Variants in TM9SF3 observed in about 807,000 individuals in gnomAD.
The protein encoded by TM9SF3 is transmembrane 9 superfamily member 3.
A neutral mutation model predicts 78.6 loss-of-function variants in TM9SF3; 14 were observed. The observed-to-expected ratio is 0.18, with a 90% CI of 0.12 to 0.28. The LOEUF is 0.28. Ranked by LOEUF, TM9SF3 falls within the 10% of genes least tolerant of loss-of-function variation. TM9SF3 has a pLI of 1.00. For missense variants in TM9SF3, 496 were observed against 721.9 expected (o/e 0.69, Z 3.59); for synonymous variants, 231 against 241.7 (o/e 0.96, Z 0.41).
chr10:96,531,512 A>C (rs918313269), intron 10 of TM9SF3, among the ~76,000 whole-genome samples: 5 of 152,196 alleles, frequency 3.3e-5, no homozygotes, highest in African/African-American at 1.2e-4. Context: ...CTATGAAATT[A>C]ACAAACTAAA....
Position 96,519,836 on chromosome 10 carries a change from C to T in TM9SF3, c.*2427G>A, listed in dbSNP as rs1313909638. The T allele has an allele frequency of 1.3e-5, 2 of 151,718 alleles. No homozygotes were observed. Among genetic ancestry groups the T allele is most frequent in the Admixed American group, 1.3e-4 (2 of 15,222 alleles). The allele number at this position is 151,718 out of a possible 1,614,324, so 9.4% of individuals were successfully genotyped here. On this transcript the variant is annotated 3_prime_UTR_variant, in exon 15 of 15. Transcript: ENST00000371142. Reference sequence around the variant, plus strand: ...TTCAACCCCTCTATGCAGCCAAAAACCAATACAAGTCCTTTTCTAAAAGAC... The same window carrying T: ...TTCAACCCCTCTATGCAGCCAAAAATCAATACAAGTCCTTTTCTAAAAGAC...
chr10:96,560,145 C>T (rs773546921), intron 4 of TM9SF3: 52 of 739,600 alleles, frequency 7.0e-5, no homozygotes, highest in Non-Finnish European at 1.0e-4. Context: ...CATTTATCTC[C>T]GTCTGCCTTC....
chr10:96,584,525 C>T (rs12776810), intron 1 of TM9SF3, among the ~76,000 whole-genome samples: 29,529 of 152,092 alleles, frequency 0.19, 3,141 homozygotes, highest in Admixed American at 0.3. Context: ...AATACATATT[C>T]GGCCAGGCGT....
At chr10:96,546,411 A>G (rs1406434295) in intron 8 of TM9SF3, among the ~76,000 whole-genome samples, 1 of 152,252 alleles carries the variant, frequency 6.6e-6, no homozygotes, top group Non-Finnish European at 1.5e-5. Context: ...CAGTCAGACT[A>G]AAAACAAATT....
rs1589464140 is a variant in TM9SF3 at position 96,576,698 on chromosome 10, T to C, written c.234A>G (p.Glu78=). 6.2e-7 allele frequency: 1 copy of C among 1,610,736 alleles called. No homozygotes were observed. The highest frequency in any genetic ancestry group is 1.3e-5 in the African/African-American group (1 of 74,740). Residue 78 remains glutamate (E), a synonymous_variant, in exon 2 of 15, where the codon GAA becomes GAG. Transcript: ENST00000371142. ...CCCCTTGAAGTGCTTCTCCCAGAGT[T>C]TCATGGTAATGACTGATACTTTTTT... is the stretch of plus-strand genomic sequence containing the variant. The part of the protein sequence containing the change: ...GSKKSISHYH[E]TLGEALQGVE...
intron 5 of TM9SF3, 82 bp downstream of exon 5, chr10:96,559,577 G>T: frequency 2.1e-6 from 2 of 970,712 alleles, no homozygotes; most frequent in South Asian, 1.8e-5. Context: ...TCAACACAGT[G>T]CCCTGCAAAT....
chr10:96,552,895 G>A, intron 6 of TM9SF3, 33 bp downstream of exon 6: 1 of 1,485,396 alleles, frequency 6.7e-7, no homozygotes. Context: ...CAGTTAAAAT[G>A]TTTCTACAAA....
At chr10:96,579,620 A>G (rs1177489184) in intron 1 of TM9SF3, among the ~76,000 whole-genome samples, 2 of 152,218 alleles carry the variant, frequency 1.3e-5, no homozygotes, top group East Asian at 1.9e-4. Flanking sequence ...AATAAAATTT[A>G]TATCATTTTG....
chr10:96,586,797 GGCC>G lies in TM9SF3; in HGVS notation c.36_38del (p.Ala15del). On this transcript the variant is annotated inframe_deletion, in exon 1 of 15. Coordinates refer to ENST00000371142, the MANE Select transcript of TM9SF3 (RefSeq NM_020123.4). ...GCAGCAGCAGCAGCCACAGCGCGGC[GGCC>G]GCCGCCACGCCAAGAGCGCCAGGCA... is the stretch of plus-strand genomic sequence containing the variant. 1.6e-6 allele frequency: 2 copies of G among 1,279,938 alleles called. No homozygotes were observed. The highest frequency in any genetic ancestry group is 2.0e-6 in the Non-Finnish European group (2 of 1,011,376). 79.3% of individuals were successfully genotyped at this position (1,279,938 alleles called of 1,614,324 possible).
At chr10:96,573,987 G>C (rs1051407787) in intron 2 of TM9SF3, among the ~76,000 whole-genome samples, 6 of 152,132 alleles carry the variant, frequency 3.9e-5, no homozygotes, top group Non-Finnish European at 7.3e-5. Context: ...AGAAAACCTA[G>C]GCAATACCAT....
At chr10:96,530,667 C>A (rs906338715) in intron 10 of TM9SF3, 59 bp from the exon 11 acceptor site, 49 of 1,414,810 alleles carry the variant, frequency 3.5e-5, no homozygotes, top group Non-Finnish European at 4.2e-5. Context: ...TATATAAACA[C>A]TGATAACAGA....
At position 96,562,403 on chromosome 10, in the gene TM9SF3, T is replaced by C. The variant is rs145158289; in HGVS notation, c.422-265A>G. Among the ~76,000 whole-genome samples, 433 of 152,178 alleles carry C rather than the reference T, an allele frequency of 2.8e-3. 2 individuals are homozygous for C. Among genetic ancestry groups the C allele is most frequent in the Non-Finnish European group, 4.4e-3 (300 of 68,006 alleles). On this transcript the variant is annotated intron_variant, in intron 3 of 14. Transcript: ENST00000371142. ...AAACCTCTTTTCTTTTTAAATTACA[T>C]AGTCTTAGGTACTTCTTTATAGTGG... is the stretch of plus-strand genomic sequence containing the variant.
intron 14 of TM9SF3, among the ~76,000 whole-genome samples, chr10:96,523,630 T>C (rs1589444544): frequency 6.6e-6 from 1 of 152,068 alleles, no homozygotes; most frequent in East Asian, 1.9e-4. Context: ...AAACCACCTG[T>C]TAAACATTCT....
chr10:96,556,090 G>A (rs1848230995), intron 5 of TM9SF3, among the ~76,000 whole-genome samples: 1 of 152,088 alleles, frequency 6.6e-6, no homozygotes, highest in African/African-American at 2.4e-5. Flanking sequence ...AAAATTATGA[G>A]ATGTTGTATA....
chr10:96,526,639 G>A (rs753494109), intron 14 of TM9SF3, among the ~76,000 whole-genome samples: 22 of 152,054 alleles, frequency 1.4e-4, no homozygotes, highest in Non-Finnish European at 3.2e-4. Flanking sequence ...GAGAGCTTGG[G>A]GAACTAGATC....
intron 7 of TM9SF3, 21 bp downstream of exon 7, chr10:96,551,224 C>G (rs1224675813): frequency 1.9e-6 from 3 of 1,572,014 alleles, no homozygotes; most frequent in African/African-American, 1.4e-5. Flanking sequence ...AGACATAATA[C>G]AGTTAAGTGT....
chr10:96,570,430 A>G (rs1848426343), intron 2 of TM9SF3, among the ~76,000 whole-genome samples: 1 of 152,218 alleles, frequency 6.6e-6, no homozygotes, highest in Non-Finnish European at 1.5e-5. Context: ...TCAGAAAAAT[A>G]TATATGCATA....
chr10:96,560,537 T>C (rs889748224), intron 4 of TM9SF3: 1 of 709,788 alleles, frequency 1.4e-6, no homozygotes, highest in Non-Finnish European at 2.6e-6. Context: ...ATTTAGTAGC[T>C]GTGGAGGAAG....
At position 96,547,896 on chromosome 10, in the gene TM9SF3, T is replaced by C; in HGVS notation, c.1053A>G (p.Gly351=). The C allele has an allele frequency of 6.2e-7, 1 of 1,604,448 alleles. No homozygotes were observed. The highest frequency in any genetic ancestry group is 8.5e-7 in the Non-Finnish European group (1 of 1,175,786). The change falls in exon 8 of 15, where the codon GGA becomes GGG. Residue 351 remains glycine, a splice_region_variant and synonymous_variant. Coordinates refer to ENST00000371142, the MANE Select transcript of TM9SF3 (RefSeq NM_020123.4). ...YFGGSLYARQ[G]GRRWIKQMFI... is the part of the protein sequence containing the mutation. ...ATGAAGTGAGAATTCGTAAGTTACCTCCTTGTCTAGCATACAGACTTCCTC... is the reference window on the plus strand; with the variant it reads ...ATGAAGTGAGAATTCGTAAGTTACCCCCTTGTCTAGCATACAGACTTCCTC...
Sources: allele counts gnomAD v4.1 joint callset (sites outside exome capture counted in the v4.1 genomes callset), GRCh38; gene constraint gnomAD v4.1.1; transcripts MANE v1.5; gene names NCBI Gene and HGNC (gene_info 2026-07-23, HGNC 2026-07-21).